CHLSN: variants seen among roughly 807,000 people sequenced by gnomAD.
CHLSN encodes the protein protein cholesin.
At chr7:991,281 C>G in the CHLSN span, among the ~76,000 whole-genome samples, 1 of 152,206 alleles carries the variant, frequency 6.6e-6, no homozygotes, top group Admixed American at 6.5e-5. Flanking sequence ...GCTCGCCCGA[C>G]TCACGCGACC....
chr7:1,042,163 C>T, the CHLSN span, among the ~76,000 whole-genome samples: 7 of 152,092 alleles, frequency 4.6e-5, no homozygotes, highest in African/African-American at 7.2e-5. Flanking sequence ...GCAACACACA[C>T]GGCACACAAC....
chr7:988,232 A>G, the CHLSN span: 17 of 1,538,166 alleles, frequency 1.1e-5, no homozygotes, highest in South Asian at 1.2e-5. Flanking sequence ...GCCCCATCCC[A>G]TCTTCCCCGG....
At chr7:987,066 AC>A in the CHLSN span, 1 of 1,459,510 alleles carries the variant, frequency 6.9e-7, no homozygotes, top group Non-Finnish European at 9.0e-7. Context: ...TGGGGGACAG[AC>A]CCCAGATCAT....
chr7:1,034,100 G>A, the CHLSN span, among the ~76,000 whole-genome samples: 3 of 152,264 alleles, frequency 2.0e-5, no homozygotes, highest in Non-Finnish European at 4.4e-5. Context: ...CAGAAGGCAT[G>A]GGACCGCAGA....
At chr7:1,111,518 G>C in the CHLSN span, among the ~76,000 whole-genome samples, 1 of 152,180 alleles carries the variant, frequency 6.6e-6, no homozygotes, top group Non-Finnish European at 1.5e-5. Context: ...CACAGTTTCT[G>C]GCCAGGTGAG....
At chr7:1,085,313 G>A in the CHLSN span, among the ~76,000 whole-genome samples, 1 of 152,178 alleles carries the variant, frequency 6.6e-6, no homozygotes, top group African/African-American at 2.4e-5. Flanking sequence ...ATCCAACAAG[G>A]AAATCAGTGC....
the CHLSN span, chr7:997,777 G>T: frequency 6.2e-7 from 1 of 1,608,196 alleles, no homozygotes; most frequent in Non-Finnish European, 8.5e-7. Flanking sequence ...AGGTAGGCCA[G>T]CAGGGTGGAG....
chr7:1,022,523 G>T, the CHLSN span, among the ~76,000 whole-genome samples: 1 of 152,126 alleles, frequency 6.6e-6, no homozygotes, highest in African/African-American at 2.4e-5. Flanking sequence ...CGCAGGTGAC[G>T]GCCGTCGTGA....
the CHLSN span, among the ~76,000 whole-genome samples, chr7:1,053,296 A>G: frequency 1.3e-5 from 2 of 152,230 alleles, no homozygotes; most frequent in African/African-American, 4.8e-5. Flanking sequence ...ACTCGGACGC[A>G]GGTGTGGCGA....
chr7:988,996 C>A, the CHLSN span: 2 of 566,576 alleles, frequency 3.5e-6, no homozygotes, highest in Non-Finnish European at 6.3e-6. Context: ...CCAGGACTAC[C>A]CCTGCCCGAC....
chr7:1,005,983 G>A, the CHLSN span, among the ~76,000 whole-genome samples: 1 of 152,268 alleles, frequency 6.6e-6, no homozygotes, highest in Non-Finnish European at 1.5e-5. Flanking sequence ...ACACCCAGCA[G>A]GCGTGTTCTT....
chr7:1,034,433 T>C, the CHLSN span, among the ~76,000 whole-genome samples: 2 of 151,252 alleles, frequency 1.3e-5, no homozygotes, highest in Non-Finnish European at 2.9e-5. Context: ...TTCTAAAACG[T>C]ATATGGAAAA....
chr7:1,008,997 ACACG>A, the CHLSN span, among the ~76,000 whole-genome samples: 22 of 49,704 alleles, frequency 4.4e-4, no homozygotes, highest in East Asian at 2.3e-3. Context: ...GAACACACAT[ACACG>A]CACACACACA....
the CHLSN span, among the ~76,000 whole-genome samples, chr7:1,064,098 AC>A: frequency 6.8e-6 from 1 of 147,160 alleles, no homozygotes; most frequent in Non-Finnish European, 1.5e-5. Flanking sequence ...GCATACACAC[AC>A]ACATACATGC....
chr7:1,004,644 G>T, the CHLSN span, among the ~76,000 whole-genome samples: 1 of 152,146 alleles, frequency 6.6e-6, no homozygotes, highest in East Asian at 1.9e-4. Flanking sequence ...CGGGTGGGGT[G>T]CTCAGTGTCG....
At chr7:1,056,734 T>A in the CHLSN span, 1 of 152,202 alleles carries the variant, frequency 6.6e-6, no homozygotes, top group African/African-American at 2.4e-5. Context: ...CGATGCCGTC[T>A]GCTCGTCTGC....
the CHLSN span, chr7:1,058,124 C>A: frequency 1.3e-6 from 1 of 755,256 alleles, no homozygotes; most frequent in Admixed American, 1.7e-5. Context: ...CACTGGCCAC[C>A]CTCTACGCGC....
chr7:1,058,039 C>T, the CHLSN span: 42 of 768,734 alleles, frequency 5.5e-5, no homozygotes, highest in African/African-American at 1.5e-4. Context: ...TCCACCCGCG[C>T]GCTAGAGTGC....
At chr7:1,080,009 G>A in the CHLSN span, among the ~76,000 whole-genome samples, 9 of 152,320 alleles carry the variant, frequency 5.9e-5, no homozygotes, top group African/African-American at 1.9e-4. Flanking sequence ...GCTCTTGGCC[G>A]GAAACCGGCC....
Sources: allele counts gnomAD v4.1 joint callset (sites outside exome capture counted in the v4.1 genomes callset), GRCh38; gene constraint gnomAD v4.1.1; transcripts MANE v1.5; gene names NCBI Gene and HGNC (gene_info 2026-07-23, HGNC 2026-07-21).